Variants in SLIT2 observed in about 807,000 individuals in gnomAD.
SLIT2 encodes slit guidance ligand 2.
SLIT2 carries 41 observed loss-of-function variants against 185.7 expected under a neutral mutation model. The ratio of observed to expected loss-of-function variants is 0.22; its 90% CI spans 0.17 to 0.29. The LOEUF (loss-of-function observed/expected upper bound fraction) is 0.29, where lower values mean the gene tolerates loss of function less well. Among genes scored for constraint, SLIT2 ranks in the 10% least tolerant of loss-of-function variants. The pLI, the probability that SLIT2 is intolerant of heterozygous loss-of-function variation, is 1.00. For missense variants in SLIT2, 1,571 were observed against 1,909.0 expected (o/e 0.82, Z 3.30); for synonymous variants, 693 against 680.2 (o/e 1.02, Z -0.29).
intron 4 of SLIT2, among the ~76,000 whole-genome samples, chr4:20,358,122 A>T (rs1444516576): frequency 6.6e-6 from 1 of 152,114 alleles, no homozygotes; most frequent in Non-Finnish European, 1.5e-5. Context: ...TGGTCCAGAA[A>T]ATCAGACCTA....
intron 4 of SLIT2, among the ~76,000 whole-genome samples, chr4:20,458,088 C>CAAAAA (rs10672353): frequency 1.9e-4 from 22 of 112,894 alleles, no homozygotes; most frequent in African/African-American, 5.9e-4. Flanking sequence ...ACACATTATG[C>CAAAAA]AAAAAAAAAA....
intron 29 of SLIT2, among the ~76,000 whole-genome samples, chr4:20,572,346 C>T (rs996965198): frequency 2.9e-4 from 44 of 152,160 alleles, no homozygotes; most frequent in African/African-American, 1.0e-3. Flanking sequence ...TCTAAATTAA[C>T]ATCCCTATAC....
At chr4:20,459,170 T>TAATCCCTAAA (rs1713420617) in intron 4 of SLIT2, among the ~76,000 whole-genome samples, 1 of 151,086 alleles carries the variant, frequency 6.6e-6, no homozygotes, top group African/African-American at 2.4e-5. Context: ...ACAGTCCCAA[T>TAATCCCTAAA]AATCCCTAAA....
At position 20,456,362 on chromosome 4, in the gene SLIT2, G is replaced by T. The variant is rs1026238868; in HGVS notation, c.396-11390G>T. 4.0e-5 allele frequency among the ~76,000 whole-genome samples: 6 copies of T among 151,782 alleles called. No homozygotes were observed. The East Asian group carries it at 1.2e-3, about 29-fold the overall frequency. On this transcript the variant is annotated intron_variant, in intron 4 of 36. Transcript: ENST00000504154. ...ATAACCTTTGTCTCTTCTTTCCATTGTGGTCTCCTTTTTAGAAATAATTGT... is the reference window on the plus strand; with the variant it reads ...ATAACCTTTGTCTCTTCTTTCCATTTTGGTCTCCTTTTTAGAAATAATTGT...
chr4:20,374,941 C>T (rs1374596920), intron 4 of SLIT2, among the ~76,000 whole-genome samples: 2 of 152,094 alleles, frequency 1.3e-5, no homozygotes, highest in African/African-American at 2.4e-5. Flanking sequence ...AACATCACTA[C>T]AGTTGTTAGA....
At chr4:20,556,920 A>G (rs926631787) in intron 26 of SLIT2, among the ~76,000 whole-genome samples, 3 of 152,060 alleles carry the variant, frequency 2.0e-5, no homozygotes, top group African/African-American at 7.3e-5. Context: ...CTTATTGCTG[A>G]TATGGAGAAA....
chr4:20,602,721 G>A (rs779551050), intron 33 of SLIT2, among the ~76,000 whole-genome samples: 6 of 152,170 alleles, frequency 3.9e-5, no homozygotes, highest in African/African-American at 9.7e-5. Context: ...TACTTTGAGA[G>A]CTGATTGTCT....
At chr4:20,546,275 A>T (rs1262284483) in intron 22 of SLIT2, among the ~76,000 whole-genome samples, 176 bp downstream of exon 22, 2 of 152,142 alleles carry the variant, frequency 1.3e-5, no homozygotes, top group East Asian at 3.9e-4. Context: ...AATATCGATC[A>T]GGCGATGGAG....
At chr4:20,427,643 A>G (rs893071495) in intron 4 of SLIT2, among the ~76,000 whole-genome samples, 16 of 150,468 alleles carry the variant, frequency 1.1e-4, no homozygotes, top group African/African-American at 3.9e-4. Flanking sequence ...AAGTGAAGCC[A>G]TCCAGGGAAA....
chr4:20,339,090 CAAA>C (rs398051113), intron 4 of SLIT2, among the ~76,000 whole-genome samples: 1 of 70,734 alleles, frequency 1.4e-5, no homozygotes, highest in Non-Finnish European at 2.5e-5. Context: ...GAGACACTCT[CAAA>C]AAAAAAAAAA....
intron 4 of SLIT2, among the ~76,000 whole-genome samples, chr4:20,333,989 G>T (rs1304159660): frequency 6.6e-6 from 1 of 152,174 alleles, no homozygotes; most frequent in Non-Finnish European, 1.5e-5. Context: ...TAGCTTTGAA[G>T]TAATTGTTCA....
chr4:20,256,044 CT>C (rs1232153395), intron 1 of SLIT2, among the ~76,000 whole-genome samples: 1 of 152,164 alleles, frequency 6.6e-6, no homozygotes, highest in Non-Finnish European at 1.5e-5. Context: ...ATTCTTGCCC[CT>C]GTTAGTAGTT....
intron 4 of SLIT2, among the ~76,000 whole-genome samples, chr4:20,381,476 G>A (rs1010365453): frequency 1.8e-4 from 27 of 151,970 alleles, no homozygotes; most frequent in Admixed American, 1.2e-3. Flanking sequence ...ATGTATTTTC[G>A]TTTTCATGTT....
chr4:20,505,152 T>A (rs1026849235), intron 9 of SLIT2, among the ~76,000 whole-genome samples: 2 of 152,112 alleles, frequency 1.3e-5, no homozygotes, highest in African/African-American at 4.8e-5. Flanking sequence ...TAAAATACCA[T>A]ATTTTTTTCT....
At chr4:20,518,587 ATTTTTTTTTTTTTTTTT>A (rs71181568) in intron 11 of SLIT2, among the ~76,000 whole-genome samples, 4 of 17,860 alleles carry the variant, frequency 2.2e-4, no homozygotes, top group African/African-American at 9.7e-4. Flanking sequence ...ATATATATAT[ATTTTTTTTTTTTTTTTT>A]TTTTTTTTTT....
rs184780622 is a variant in SLIT2 at position 20,590,148 on chromosome 4, G to A, written c.3182+411G>A. On this transcript the variant is annotated intron_variant, in intron 30 of 36. Coordinates refer to ENST00000504154, the MANE Select transcript of SLIT2 (RefSeq NM_004787.4). ...TCTCGATCTCCTGACATCATGATCC[G>A]CCCACCTCGGCCTCCCAAAGTGCTG... 5.0e-3 allele frequency among the ~76,000 whole-genome samples: 763 copies of A among 152,040 alleles called. 3 individuals carry two copies. Among genetic ancestry groups the A allele is most frequent in the Middle Eastern group, 0.014 (4 of 294 alleles).
intron 4 of SLIT2, among the ~76,000 whole-genome samples, chr4:20,288,220 T>C (rs1715462238): frequency 6.6e-6 from 1 of 152,184 alleles, no homozygotes; most frequent in African/African-American, 2.4e-5. Flanking sequence ...CAGAGCCAAG[T>C]TTTTGTGGGC....
At chr4:20,335,605 A>G (rs1166031189) in intron 4 of SLIT2, among the ~76,000 whole-genome samples, 1 of 152,106 alleles carries the variant, frequency 6.6e-6, no homozygotes, top group Non-Finnish European at 1.5e-5. Context: ...CTTAAAACAC[A>G]ATTCAGGAGT....
chr4:20,366,073 T>C (rs760468860), intron 4 of SLIT2, among the ~76,000 whole-genome samples: 2 of 152,142 alleles, frequency 1.3e-5, no homozygotes, highest in Non-Finnish European at 2.9e-5. Flanking sequence ...GCTTCAGGCA[T>C]GTCTGGAAGC....
Sources: gnomAD v4.1 joint callset for allele counts (sites outside exome capture counted in the v4.1 genomes callset) on GRCh38, gnomAD v4.1.1 for gene constraint, MANE v1.5 for transcripts, NCBI Gene and HGNC (gene_info 2026-07-23, HGNC 2026-07-21) for gene names.